The following AAK1 variants were observed in gnomAD, a reference collection of about 807,000 sequenced individuals.
AAK1 encodes AP2-associated protein kinase 1.
A neutral mutation model predicts 116.0 loss-of-function variants in AAK1; 37 were observed. The ratio of observed to expected loss-of-function variants is 0.32; its 90% CI spans 0.25 to 0.42. The LOEUF (loss-of-function observed/expected upper bound fraction) is 0.42. AAK1 is among the 10% of genes least tolerant of loss of function. The pLI is 1.00. For synonymous variants in AAK1, 458 were observed against 439.9 expected, an observed-to-expected ratio of 1.04 and a Z score of -0.51; for missense variants, 919 against 1,170.6, an observed-to-expected ratio of 0.79 and a Z score of 3.14.
chr2:69,473,509 C>T lies in AAK1; in HGVS notation c.*2360G>A. The T allele has an allele frequency of 1.0e-6, 1 of 985,456 alleles. No homozygotes were observed. The highest frequency in any genetic ancestry group is 1.2e-6 in the Non-Finnish European group (1 of 829,934). 61.0% of individuals were successfully genotyped at this position (985,456 alleles called of 1,614,324 possible). A position where few individuals can be genotyped will look rare whatever the true frequency, so the allele number is the denominator to read the frequency against. ...GCCCAAGACAATTTCTTGTCATTAT[C>T]TCCCTTAGGCTTCTACTGCCGTCTC... On this transcript the variant is annotated 3_prime_UTR_variant, in exon 22 of 22. Transcript: ENST00000409085.
Position 69,469,793 on chromosome 2 carries a change from T to C in AAK1, c.*6076A>G, listed in dbSNP as rs766763839. The C allele has an allele frequency of 1.0e-6, 1 of 985,458 alleles. No homozygotes were observed. Among genetic ancestry groups the C allele is most frequent in the Non-Finnish European group, 1.2e-6 (1 of 829,924 alleles). 61.0% of individuals were successfully genotyped at this position (985,458 alleles called of 1,614,324 possible). On this transcript the variant is annotated 3_prime_UTR_variant, in exon 22 of 22. Transcript: ENST00000409085. ...TAAGCAAGAAGTCAAAACATACTTC[T>C]TTTTCTTGCTCTGATGTAGGACTGT...
At position 69,458,729 on chromosome 2, in the gene AAK1, C is replaced by CACA. The variant is rs1674271712; in HGVS notation, c.*17139_*17140insTGT. 1 of 146,492 alleles carries CACA rather than the reference C, an allele frequency of 6.8e-6. No individual in the cohort carries two copies. Among genetic ancestry groups the CACA allele is most frequent in the Non-Finnish European group, 1.5e-5 (1 of 65,236 alleles). 9.1% of individuals were successfully genotyped at this position (146,492 alleles called of 1,614,324 possible). ...TGAGCACACACACACACACACACACCCCATTCACACTCAAATAGGAATCTC... is the reference window on the plus strand; with the variant it reads ...TGAGCACACACACACACACACACACCACACCATTCACACTCAAATAGGAATCTC... On this transcript the variant is annotated 3_prime_UTR_variant, in exon 22 of 22. Coordinates refer to ENST00000409085, the MANE Select transcript of AAK1 (RefSeq NM_014911.5).
At chr2:69,578,042 C>T (rs778870538) in intron 2 of AAK1, among the ~76,000 whole-genome samples, 1 of 152,152 alleles carries the variant, frequency 6.6e-6, no homozygotes, top group Non-Finnish European at 1.5e-5. Context: ...TTCTCCACCC[C>T]CTTCCCTCCC....
intron 2 of AAK1, among the ~76,000 whole-genome samples, chr2:69,559,783 G>T (rs1324997517): frequency 6.6e-6 from 1 of 152,210 alleles, no homozygotes; most frequent in Non-Finnish European, 1.5e-5. Context: ...GAAACAAAAG[G>T]TGGGAATAGG....
intron 16 of AAK1, among the ~76,000 whole-genome samples, chr2:69,497,784 C>CCT (rs1339999147): frequency 6.6e-5 from 10 of 152,094 alleles, no homozygotes; most frequent in Non-Finnish European, 1.5e-4. Context: ...CACATACAGT[C>CCT]CTGTGAACCC....
chr2:69,618,351 T>C (rs1237575686), intron 2 of AAK1, among the ~76,000 whole-genome samples: 1 of 152,176 alleles, frequency 6.6e-6, no homozygotes, highest in East Asian at 1.9e-4. Context: ...ATGCCATAAA[T>C]TATAAATACC....
At chr2:69,503,508 T>C (rs1038896920) in intron 16 of AAK1, among the ~76,000 whole-genome samples, 1 of 152,126 alleles carries the variant, frequency 6.6e-6, no homozygotes. Context: ...TGGTGTATCC[T>C]AGAAGTTTTG....
At chr2:69,477,409 T>C (rs1400482770) in intron 20 of AAK1, among the ~76,000 whole-genome samples, 1 of 152,048 alleles carries the variant, frequency 6.6e-6, no homozygotes, top group African/African-American at 2.4e-5. Context: ...AGGAAGAGAA[T>C]TGGTGGCTCT....
chr2:69,559,272 A>T lies in AAK1; in HGVS notation c.164-2294T>A, dbSNP rs1056865233. On this transcript the variant is annotated intron_variant, in intron 2 of 21. Coordinates refer to ENST00000409085, the MANE Select transcript of AAK1 (RefSeq NM_014911.5). ...CTATCTCTCTCTCTCTCACACACAC[A>T]CACACACACACACACACACACACAC... Among the ~76,000 whole-genome samples, 424 of 124,162 alleles carry T rather than the reference A, an allele frequency of 3.4e-3. 1 individual carries two copies. The highest frequency in any genetic ancestry group is 0.013 in the African/African-American group (400 of 31,092). The allele number at this position is 124,162 out of a possible 152,430, so 81.5% of individuals were successfully genotyped here. A position where few individuals can be genotyped will look rare whatever the true frequency, so the allele number is the denominator to read the frequency against.
chr2:69,550,545 G>A (rs756187229), intron 3 of AAK1, among the ~76,000 whole-genome samples: 2 of 151,698 alleles, frequency 1.3e-5, no homozygotes, highest in African/African-American at 2.4e-5. Flanking sequence ...CTCATGATCC[G>A]ACCGCCCAAA....
At position 69,514,711 on chromosome 2, in the gene AAK1, A is replaced by C. The variant is rs1173492713; in HGVS notation, c.1536T>G (p.Ile512Met). The change falls in exon 13 of 22, where the codon ATT (isoleucine) becomes ATG (methionine). Residue 512 changes from isoleucine to methionine, a missense_variant. By Grantham distance (10) the Ile-to-Met change is conservative (BLOSUM62 1). Around this residue, in one of 4 missense-constraint regions of AAK1, gnomAD observed 214 missense variants for 210.6 expected, o/e 1.02. Coordinates refer to ENST00000409085, the MANE Select transcript of AAK1 (RefSeq NM_014911.5). The part of the protein sequence containing the change: ...AVHPATQKPA[I>M]AQFPVVSQGG... The stretch of plus-strand genomic sequence containing the variant: ...CTTGGGACACCACAGGGAACTGAGC[A>C]ATTGCTGGTTTCTGGGTTGCTGGAT... The C allele has an allele frequency of 6.2e-7, 1 of 1,610,256 alleles. No individual in the cohort carries two copies. Among genetic ancestry groups the C allele is most frequent in the Non-Finnish European group, 8.5e-7 (1 of 1,177,484 alleles).
intron 16 of AAK1, among the ~76,000 whole-genome samples, chr2:69,503,512 A>C (rs905191225): frequency 6.6e-6 from 1 of 152,040 alleles, no homozygotes; most frequent in Non-Finnish European, 1.5e-5. Context: ...GTATCCTAGA[A>C]GTTTTGTTTT....
At chr2:69,522,614 GC>G (rs1434091786) in intron 10 of AAK1, among the ~76,000 whole-genome samples, 1 of 152,088 alleles carries the variant, frequency 6.6e-6, no homozygotes, top group Non-Finnish European at 1.5e-5. Context: ...GACCAGCCTG[GC>G]CAACATGGCA....
chr2:69,562,334 T>C (rs111723120), intron 2 of AAK1, among the ~76,000 whole-genome samples: 1,731 of 152,284 alleles, frequency 0.011, 30 homozygotes, highest in African/African-American at 0.04. Flanking sequence ...CCTTCAACAT[T>C]TAAACTCCTA....
Position 69,480,941 on chromosome 2 carries a change from C to A in AAK1, c.2488G>T (p.Glu830Ter). ...AVIEKADVAV[E>*]SLIPGLEPPV... ...GGCTCCAGTCCTGGTATGAGACTCT[C>A]AACAGCAACATCAGCTTTTTCTTTC... The change falls in exon 19 of 22, where the codon GAG becomes TAG. Residue 830 changes from glutamate (E) to a stop codon, truncating the protein, a stop_gained. Coordinates refer to ENST00000409085, the MANE Select transcript of AAK1 (RefSeq NM_014911.5). LOFTEE classifies it high-confidence loss of function. 6.2e-7 allele frequency: 1 copy of A among 1,605,606 alleles called. No homozygotes were observed. Among genetic ancestry groups the A allele is most frequent in the East Asian group, 2.2e-5 (1 of 44,700 alleles).
chr2:69,544,226 C>A (rs1395517632), intron 4 of AAK1: 8 of 499,470 alleles, frequency 1.6e-5, no homozygotes, highest in African/African-American at 9.5e-5. Flanking sequence ...CCTTCCCAAA[C>A]CTAACAAAAA....
At chr2:69,563,027 G>A (rs886403714) in intron 2 of AAK1, among the ~76,000 whole-genome samples, 2 of 152,164 alleles carry the variant, frequency 1.3e-5, no homozygotes, top group Non-Finnish European at 2.9e-5. Context: ...TGGCACCACT[G>A]CACTCCAGCC....
chr2:69,489,315 G>A (rs1572888901), intron 17 of AAK1, among the ~76,000 whole-genome samples: 1 of 152,024 alleles, frequency 6.6e-6, no homozygotes, highest in African/African-American at 2.4e-5. Context: ...GCCAGGCGTG[G>A]TGGCGCATGC....
intron 19 of AAK1, among the ~76,000 whole-genome samples, chr2:69,480,423 A>C (rs1385265016): frequency 1.3e-5 from 2 of 152,168 alleles, no homozygotes; most frequent in Non-Finnish European, 2.9e-5. Flanking sequence ...ACAGGATTAA[A>C]GCACTGTGCT....
Sources: allele counts gnomAD v4.1 joint callset (sites outside exome capture counted in the v4.1 genomes callset), GRCh38; gene constraint gnomAD v4.1.1; regional missense constraint gnomAD v4.1.1; transcripts MANE v1.5; gene names NCBI Gene and HGNC (gene_info 2026-07-23, HGNC 2026-07-21).